SGCD: variants seen among roughly 807,000 people sequenced by gnomAD.
SGCD encodes the protein delta-sarcoglycan.
SGCD carries 18 observed loss-of-function variants against 36.6 expected under a neutral mutation model. The ratio of observed to expected loss-of-function variants is 0.49; its 90% CI spans 0.34 to 0.73. The LOEUF (loss-of-function observed/expected upper bound fraction) is 0.73. SGCD is among the 30% of genes least tolerant of loss of function. The pLI, the probability that SGCD is intolerant of heterozygous loss-of-function variation, is 0.01. For missense variants in SGCD, 387 were observed against 346.7 expected (o/e 1.12, Z -0.92); for synonymous variants, 133 against 130.6 (o/e 1.02, Z -0.12).
In SGCD at chr5:156,141,265, A is replaced by T. The variant is rs531836747; in HGVS notation, c.-44+17246A>T. ...AGCGTCCCTACTAGGACGGTGCCTA[A>T]CAAACACGAGACCGGGTCACCACAG... On this transcript the variant is annotated intron_variant, in intron 3 of 9. Coordinates refer to the SGCD transcript ENST00000517913. Among the ~76,000 whole-genome samples the T allele has an allele frequency of 1.7e-3, 259 of 151,918 alleles. 1 individual carries two copies. The highest frequency in any genetic ancestry group is 5.9e-3 in the African/African-American group (241 of 41,164).
At chr5:156,381,975 T>C (rs1322298375) in intron 3 of SGCD, among the ~76,000 whole-genome samples, 1 of 152,254 alleles carries the variant, frequency 6.6e-6, no homozygotes, top group Non-Finnish European at 1.5e-5. Flanking sequence ...GTGGTCAATG[T>C]ATGTTTTTAT....
the SGCD span, among the ~76,000 whole-genome samples, chr5:155,779,711 T>C: frequency 6.6e-6 from 1 of 152,134 alleles, no homozygotes; most frequent in Non-Finnish European, 1.5e-5. Flanking sequence ...TATTTATATC[T>C]AATATGTCTG....
At chr5:156,182,762 G>T (rs1381992034) in intron 3 of SGCD, among the ~76,000 whole-genome samples, 1 of 152,142 alleles carries the variant, frequency 6.6e-6, no homozygotes, top group African/African-American at 2.4e-5. Flanking sequence ...CCACTAAAGG[G>T]TCAGAGTCTC....
intron 3 of SGCD, among the ~76,000 whole-genome samples, chr5:156,308,018 A>G (rs1767273915): frequency 6.6e-6 from 1 of 152,204 alleles, no homozygotes; most frequent in South Asian, 2.1e-4. Context: ...AAATGAAGTT[A>G]CACACCATTT....
chr5:155,896,786 G>T (rs897417424), intron 1 of SGCD, among the ~76,000 whole-genome samples: 3 of 152,144 alleles, frequency 2.0e-5, no homozygotes, highest in Non-Finnish European at 4.4e-5. Context: ...CATACTGTTT[G>T]CCAGCCTAGC....
At chr5:156,255,132 C>T (rs1230335841) in intron 3 of SGCD, among the ~76,000 whole-genome samples, 2 of 151,908 alleles carry the variant, frequency 1.3e-5, no homozygotes, top group Non-Finnish European at 2.9e-5. Context: ...GACTTGGGTC[C>T]CATCCCCAAG....
chr5:156,299,071 A>G (rs536699950), intron 3 of SGCD, among the ~76,000 whole-genome samples: 6 of 152,324 alleles, frequency 3.9e-5, no homozygotes, highest in African/African-American at 1.2e-4. Flanking sequence ...TCATAGTTTG[A>G]GGCCTTAAAT....
intron 3 of SGCD, among the ~76,000 whole-genome samples, chr5:156,437,646 T>G (rs1753299339): frequency 2.0e-5 from 3 of 151,982 alleles, no homozygotes; most frequent in African/African-American, 4.8e-5. Context: ...GAAAACAGAG[T>G]CCCGGTAACA....
At chr5:155,946,261 T>G (rs558139966) in intron 1 of SGCD, among the ~76,000 whole-genome samples, 8 of 152,294 alleles carry the variant, frequency 5.3e-5, no homozygotes, top group African/African-American at 1.9e-4. Flanking sequence ...CATTTAATTA[T>G]CATAACCACC....
intron 3 of SGCD, among the ~76,000 whole-genome samples, chr5:156,244,573 TG>T: frequency 6.6e-6 from 1 of 152,322 alleles, no homozygotes; most frequent in South Asian, 2.1e-4. Flanking sequence ...ATTCAGTGTT[TG>T]TTTGTTTTTT....
intron 3 of SGCD, among the ~76,000 whole-genome samples, chr5:156,417,928 T>C (rs1443569511): frequency 6.6e-6 from 1 of 152,192 alleles, no homozygotes; most frequent in East Asian, 1.9e-4. Context: ...TCAGAAATGT[T>C]TCTAGTTTTC....
At chr5:155,796,779 C>A in the SGCD span, among the ~76,000 whole-genome samples, 2 of 116,314 alleles carry the variant, frequency 1.7e-5, no homozygotes, top group Admixed American at 2.0e-4. Context: ...GCACTCCAGC[C>A]TGGGCAACAA....
intron 5 of SGCD, among the ~76,000 whole-genome samples, chr5:156,590,599 T>A (rs1760688120): frequency 6.6e-6 from 1 of 152,184 alleles, no homozygotes; most frequent in Admixed American, 6.5e-5. Context: ...TCCCAGATTT[T>A]CACATTCAAA....
intron 3 of SGCD, among the ~76,000 whole-genome samples, chr5:156,360,851 G>A (rs926549153): frequency 1.3e-5 from 2 of 151,922 alleles, no homozygotes; most frequent in African/African-American, 4.8e-5. Flanking sequence ...TCAGTTGTCT[G>A]CATGACCTCA....
At chr5:156,737,434 G>A (rs895460186) in intron 7 of SGCD, among the ~76,000 whole-genome samples, 1 of 152,130 alleles carries the variant, frequency 6.6e-6, no homozygotes, top group Non-Finnish European at 1.5e-5. Context: ...ATTGCCTACT[G>A]TATAGTAAGT....
intron 4 of SGCD, among the ~76,000 whole-genome samples, chr5:156,559,377 A>T (rs1205863476): frequency 1.3e-5 from 2 of 152,192 alleles, no homozygotes. Context: ...GTCAGACAAC[A>T]ATGCCTTATT....
In SGCD at chr5:156,370,677, T is replaced by C. The variant is rs375521899; in HGVS notation, c.192+26000T>C. Among the ~76,000 whole-genome samples, 8 of 152,316 alleles carry C rather than the reference T, an allele frequency of 5.3e-5. No individual in the cohort carries two copies. In the South Asian group the frequency reaches 1.4e-3, roughly 28 times the overall value. On this transcript the variant is annotated intron_variant, in intron 3 of 8. Transcript: ENST00000337851. ...TGCATGGGATTGTCAGTATGAAATT[T>C]ACAAGACTGAAACATACACATTCCA... is the stretch of plus-strand genomic sequence containing the variant.
At chr5:156,149,973 C>A (rs900576180) in intron 3 of SGCD, among the ~76,000 whole-genome samples, 1 of 152,182 alleles carries the variant, frequency 6.6e-6, no homozygotes, top group Non-Finnish European at 1.5e-5. Context: ...TAATTGGTCT[C>A]CCTGCAGCCA....
At chr5:156,097,412 G>T (rs915254845) in intron 1 of SGCD, among the ~76,000 whole-genome samples, 1 of 151,670 alleles carries the variant, frequency 6.6e-6, no homozygotes, top group East Asian at 1.9e-4. Context: ...TTTATTTTCC[G>T]GTCTATTCTT....
Sources: allele counts gnomAD v4.1 joint callset (sites outside exome capture counted in the v4.1 genomes callset), GRCh38; gene constraint gnomAD v4.1.1; transcripts MANE v1.5; gene names NCBI Gene and HGNC (gene_info 2026-07-23, HGNC 2026-07-21).